ANK3: variants seen among roughly 807,000 people sequenced by gnomAD.
ANK3 encodes the protein ankyrin-3.
A neutral mutation model predicts 370.9 loss-of-function variants in ANK3; 57 were observed. The ratio of observed to expected loss-of-function variants is 0.15; its 90% confidence interval spans 0.12 to 0.19. The LOEUF is 0.19. Ranked by LOEUF, ANK3 falls within the 10% of genes least tolerant of loss-of-function variation. The probability of loss-of-function intolerance (pLI) is 1.00; values close to 1 mark genes in which losing one functional copy is unlikely to be tolerated. For missense variants in ANK3, 4,439 were observed against 5,302.1 expected (o/e 0.84, Z 5.06); for synonymous variants, 1,929 against 1,946.3 (o/e 0.99, Z 0.23).
chr10:60,463,950 C>G (rs747019139), intron 2 of ANK3, among the ~76,000 whole-genome samples: 1 of 151,964 alleles, frequency 6.6e-6, no homozygotes. Context: ...GCTAAAAATG[C>G]TGTCTTCTTT....
At chr10:60,613,684 C>T (rs2133320684) in intron 2 of ANK3, among the ~76,000 whole-genome samples, 1 of 152,148 alleles carries the variant, frequency 6.6e-6, no homozygotes, top group South Asian at 2.1e-4. Flanking sequence ...CAAAGTCTTA[C>T]TAGACTACAT....
At chr10:60,414,707 T>C (rs996253854) in intron 2 of ANK3, among the ~76,000 whole-genome samples, 1 of 152,148 alleles carries the variant, frequency 6.6e-6, no homozygotes, top group African/African-American at 2.4e-5. Context: ...ACTTTATATA[T>C]TACTGGATGT....
At position 60,208,186 on chromosome 10, in the gene ANK3, G is replaced by A. The variant is rs1391787916; in HGVS notation, c.1044C>T (p.Asn348=). The stretch of plus-strand genomic sequence containing the variant: ...TATGCTGGAGGAGAAGCTGGACGCA[G>A]TTTAAATGATCCCCTTGTGTGGCCA... ...LHMATQGDHL[N]CVQLLLQHNV... The change falls in exon 10 of 44, where the codon AAC becomes AAT. Residue 348 remains asparagine (N), a synonymous_variant. Coordinates refer to ENST00000280772, the MANE Select transcript of ANK3 (RefSeq NM_020987.5). 1 of 1,614,168 alleles carries A rather than the reference G, an allele frequency of 6.2e-7. No individual in the cohort carries two copies. The highest frequency in any genetic ancestry group is 1.7e-5 in the Admixed American group (1 of 60,014).
chr10:60,611,076 A>G (rs2078194853), intron 2 of ANK3, among the ~76,000 whole-genome samples: 1 of 152,194 alleles, frequency 6.6e-6, no homozygotes, highest in South Asian at 2.1e-4. Context: ...TTTTATAACT[A>G]TTCTTAATAT....
chr10:60,038,897 CTCT>C (rs1472299684), intron 43 of ANK3, among the ~76,000 whole-genome samples: 1 of 152,068 alleles, frequency 6.6e-6, no homozygotes, highest in East Asian at 1.9e-4. Flanking sequence ...GCTTGGGGTC[CTCT>C]TCTTCTCCAT....
At chr10:60,547,670 GAC>G in intron 2 of ANK3, among the ~76,000 whole-genome samples, 2 of 151,814 alleles carry the variant, frequency 1.3e-5, no homozygotes, top group Admixed American at 1.3e-4. Flanking sequence ...CAGACAGAGA[GAC>G]AGAGAGAGAG....
chr10:60,395,807 C>G (rs1594947385), intron 2 of ANK3, among the ~76,000 whole-genome samples: 1 of 151,964 alleles, frequency 6.6e-6, no homozygotes, highest in African/African-American at 2.4e-5. Flanking sequence ...TGGTCCTTGC[C>G]CTCAAGTTTC....
intron 8 of ANK3, among the ~76,000 whole-genome samples, chr10:60,218,254 T>G (rs1191710234): frequency 6.6e-6 from 1 of 152,194 alleles, no homozygotes; most frequent in African/African-American, 2.4e-5. Flanking sequence ...GTCTATGTCT[T>G]TTAACTGTGG....
At chr10:60,171,440 C>T (rs1184900746) in intron 21 of ANK3, among the ~76,000 whole-genome samples, 1 of 152,162 alleles carries the variant, frequency 6.6e-6, no homozygotes, top group African/African-American at 2.4e-5. Context: ...TTTGCAGATG[C>T]TAACCATTTT....
chr10:60,674,963 A>G (rs932924360), intron 1 of ANK3, among the ~76,000 whole-genome samples: 1 of 152,212 alleles, frequency 6.6e-6, no homozygotes, highest in African/African-American at 2.4e-5. Context: ...GAGTCCTGGT[A>G]TCAGGGGCAA....
intron 42 of ANK3, among the ~76,000 whole-genome samples, chr10:60,054,261 G>A (rs555889344): frequency 6.6e-6 from 1 of 152,046 alleles, no homozygotes; most frequent in African/African-American, 2.4e-5. Context: ...CATTTTAAAA[G>A]GAAACTTATC....
chr10:60,141,561 G>GTTTT (rs36033791), intron 23 of ANK3, among the ~76,000 whole-genome samples: 1,335 of 48,538 alleles, frequency 0.028, 81 homozygotes, highest in Non-Finnish European at 0.031. Flanking sequence ...TTCAATTGCT[G>GTTTT]TTTTTTTTTT....
intron 1 of ANK3, among the ~76,000 whole-genome samples, chr10:60,384,685 A>G (rs1001158350): frequency 1.3e-5 from 2 of 152,200 alleles, no homozygotes; most frequent in Non-Finnish European, 1.5e-5. Context: ...GGTTATTAGG[A>G]AGACTAAATT....
chr10:60,039,720 G>A (rs2075767585), intron 43 of ANK3, among the ~76,000 whole-genome samples: 1 of 152,082 alleles, frequency 6.6e-6, no homozygotes. Flanking sequence ...TAAAAAAGGG[G>A]TTGGGGGATA....
At chr10:60,151,170 A>T (rs765497635) in intron 23 of ANK3, among the ~76,000 whole-genome samples, 2 of 152,236 alleles carry the variant, frequency 1.3e-5, no homozygotes, top group Non-Finnish European at 2.9e-5. Context: ...CTGAGTTCTT[A>T]CCACATGCCA....
chr10:60,618,531 T>C (rs751446451), intron 1 of ANK3, among the ~76,000 whole-genome samples: 4 of 152,086 alleles, frequency 2.6e-5, no homozygotes, highest in Non-Finnish European at 5.9e-5. Context: ...GTACAAACAC[T>C]GAAGCAGAAA....
intron 1 of ANK3, among the ~76,000 whole-genome samples, chr10:60,311,844 A>C (rs1292253283): frequency 6.6e-6 from 1 of 152,184 alleles, no homozygotes; most frequent in East Asian, 1.9e-4. Flanking sequence ...CACTCAATCT[A>C]AAGTAGGTCT....
At chr10:60,181,266 C>G (rs1016905596) in intron 18 of ANK3, 63 bp downstream of exon 18, 1 of 1,341,406 alleles carries the variant, frequency 7.5e-7, no homozygotes, top group Non-Finnish European at 1.1e-6. Flanking sequence ...ATTATAGTTT[C>G]TTCCTTACTG....
At chr10:60,409,808 A>G (rs2063523708) in intron 2 of ANK3, among the ~76,000 whole-genome samples, 1 of 152,188 alleles carries the variant, frequency 6.6e-6, no homozygotes, top group Admixed American at 6.5e-5. Flanking sequence ...CCTCGGAAGT[A>G]TCAAACTCAA....
Sources: gnomAD v4.1 joint callset for allele counts (sites outside exome capture counted in the v4.1 genomes callset) on GRCh38, gnomAD v4.1.1 for gene constraint, MANE v1.5 for transcripts, NCBI Gene and HGNC (gene_info 2026-07-23, HGNC 2026-07-21) for gene names.